The following ACSM5 variants were observed in gnomAD, a reference collection of about 807,000 sequenced individuals.
ACSM5 encodes acyl-coenzyme A synthetase ACSM5, mitochondrial.
A neutral mutation model predicts 71.6 loss-of-function variants in ACSM5; 56 were observed. The observed-to-expected ratio is 0.78, with a 90% CI of 0.63 to 0.98. The LOEUF (loss-of-function observed/expected upper bound fraction) is 0.98. Ranked by LOEUF, ACSM5 falls within the 50% of genes least tolerant of loss-of-function variation. The pLI is 0.00. For synonymous variants in ACSM5, 285 were observed against 281.5 expected, an observed-to-expected ratio of 1.01 and a Z score of -0.12; for missense variants, 723 against 726.0, an observed-to-expected ratio of 1.00 and a Z score of 0.05.
intron 6 of ACSM5, 76 bp from the exon 7 acceptor site, chr16:20,427,712 A>G (rs1967011350): frequency 1.0e-6 from 1 of 968,860 alleles, no homozygotes; most frequent in Admixed American, 1.7e-5. Context: ...GAGACTATAA[A>G]GATGCATTTG....
intron 2 of ACSM5, among the ~76,000 whole-genome samples, chr16:20,416,481 A>G (rs1046344245): frequency 6.6e-6 from 1 of 152,186 alleles, no homozygotes; most frequent in African/African-American, 2.4e-5. Context: ...TGGGTGAAAT[A>G]ATTGTCTTTC....
At chr16:20,415,890 T>G (rs766382357) in intron 2 of ACSM5, among the ~76,000 whole-genome samples, 5 of 152,178 alleles carry the variant, frequency 3.3e-5, no homozygotes, top group African/African-American at 4.8e-5. Flanking sequence ...GTATCCCTAC[T>G]TCATCATTGT....
intron 6 of ACSM5, among the ~76,000 whole-genome samples, chr16:20,427,312 A>G (rs1448226564): frequency 6.6e-6 from 1 of 152,070 alleles, no homozygotes; most frequent in African/African-American, 2.4e-5. Context: ...AAAACCAAAC[A>G]AAAAACAAAA....
At chr16:20,415,546 C>G (rs1306788178) in intron 2 of ACSM5, among the ~76,000 whole-genome samples, 1 of 152,162 alleles carries the variant, frequency 6.6e-6, no homozygotes, top group Non-Finnish European at 1.5e-5. Context: ...TTGTACTGGA[C>G]AGAGAGAGGA....
At chr16:20,415,157 C>T (rs1323860813) in intron 2 of ACSM5, among the ~76,000 whole-genome samples, 1 of 152,098 alleles carries the variant, frequency 6.6e-6, no homozygotes, top group Non-Finnish European at 1.5e-5. Context: ...AAGAAATAGA[C>T]AGAGGAAAGA....
chr16:20,424,185 G>A (rs1966932948), intron 6 of ACSM5, 116 bp downstream of exon 6: 3 of 1,336,026 alleles, frequency 2.2e-6, no homozygotes, highest in East Asian at 2.5e-5. Flanking sequence ...GGCTTCTTTG[G>A]TGTGGCTCCC....
intron 5 of ACSM5, among the ~76,000 whole-genome samples, chr16:20,422,648 A>G (rs906682929): frequency 2.0e-5 from 3 of 152,158 alleles, no homozygotes; most frequent in African/African-American, 4.8e-5. Context: ...ACATAATCTA[A>G]TATGTTTTTT....
intron 1 of ACSM5, 96 bp from the exon 2 acceptor site, chr16:20,411,374 C>T (rs568851603): frequency 3.3e-6 from 3 of 922,168 alleles, no homozygotes; most frequent in Admixed American, 2.1e-5. Context: ...GGATCACAGT[C>T]ACCATCAGCA....
chr16:20,415,776 A>G (rs1966855181), intron 2 of ACSM5, among the ~76,000 whole-genome samples: 1 of 152,194 alleles, frequency 6.6e-6, no homozygotes. Context: ...TTGAAACCTA[A>G]TAGAGTTTTC....
chr16:20,422,684 G>C (rs2141648876), intron 5 of ACSM5, among the ~76,000 whole-genome samples: 1 of 152,304 alleles, frequency 6.6e-6, no homozygotes, highest in South Asian at 2.1e-4. Flanking sequence ...ATGTTGGGTT[G>C]ACAATGTAAC....
intron 6 of ACSM5, among the ~76,000 whole-genome samples, chr16:20,425,401 T>A (rs1966959644): frequency 6.6e-6 from 1 of 152,202 alleles, no homozygotes; most frequent in Non-Finnish European, 1.5e-5. Context: ...ACACTTAGGT[T>A]GCTTCAAAAC....
chr16:20,414,406 G>C (rs1966852819), intron 2 of ACSM5, among the ~76,000 whole-genome samples: 1 of 152,150 alleles, frequency 6.6e-6, no homozygotes, highest in African/African-American at 2.4e-5. Flanking sequence ...GAGTGATGTG[G>C]GGCCACGATC....
In ACSM5 at chr16:20,440,521, A is replaced by G; in HGVS notation, c.*94A>G. The G allele has an allele frequency of 8.6e-7, 1 of 1,168,458 alleles. No homozygotes were observed. Among genetic ancestry groups the G allele is most frequent in the South Asian group, 1.3e-5 (1 of 79,476 alleles). 72.4% of individuals were successfully genotyped at this position (1,168,458 alleles called of 1,614,324 possible). A position where few individuals can be genotyped will look rare whatever the true frequency, so the allele number is the denominator to read the frequency against. On this transcript the variant is annotated 3_prime_UTR_variant, in exon 14 of 14. Coordinates refer to ENST00000331849, the MANE Select transcript of ACSM5 (RefSeq NM_017888.3). The stretch of plus-strand genomic sequence containing the variant: ...CCCCATGGGGAGCATCATCTCTTCG[A>G]CCCTAAAGATGTCAAAGGTGTGCAG...
chr16:20,421,481 G>C, intron 5 of ACSM5, 80 bp downstream of exon 5: 1 of 1,334,116 alleles, frequency 7.5e-7, no homozygotes, highest in Non-Finnish European at 9.8e-7. Context: ...GGGGAAAGGT[G>C]TCAGGAACGG....
At chr16:20,422,736 G>GGCAA (rs779253866) in intron 5 of ACSM5, among the ~76,000 whole-genome samples, 17 of 152,180 alleles carry the variant, frequency 1.1e-4, no homozygotes, top group Non-Finnish European at 2.5e-4. Flanking sequence ...TGCATTAAGA[G>GGCAA]GCAAGCATGG....
intron 8 of ACSM5, 123 bp downstream of exon 8, chr16:20,429,924 C>G (rs1967061913): frequency 6.7e-6 from 8 of 1,201,798 alleles, no homozygotes; most frequent in Non-Finnish European, 9.1e-6. Flanking sequence ...AAGCTGATAA[C>G]AAAATTCCAT....
At chr16:20,439,496 A>G (rs1050967919) in intron 12 of ACSM5, among the ~76,000 whole-genome samples, 2 of 151,808 alleles carry the variant, frequency 1.3e-5, no homozygotes, top group African/African-American at 4.8e-5. Flanking sequence ...TTTCTCCAAA[A>G]TATTTGCTTC....
chr16:20,429,628 G>A, intron 7 of ACSM5, 50 bp from the exon 8 acceptor site: 2 of 1,611,618 alleles, frequency 1.2e-6, no homozygotes, highest in Non-Finnish European at 8.5e-7. Context: ...AGAGGGCGGG[G>A]TGATATGAAG....
In ACSM5 at chr16:20,422,414, C is replaced by G. The variant is rs777051470; in HGVS notation, c.767+1013C>G. Reference sequence around the variant, plus strand: ...CATGAGCCACTGCACCTGGCCTCGACCACATTTTAAATAATCCATTCACCT... The same window carrying G: ...CATGAGCCACTGCACCTGGCCTCGAGCACATTTTAAATAATCCATTCACCT... On this transcript the variant is annotated intron_variant, in intron 5 of 13. Transcript: ENST00000331849. 5.7e-4 allele frequency among the ~76,000 whole-genome samples: 87 copies of G among 152,146 alleles called. 2 individuals are homozygous for G. The highest frequency in any genetic ancestry group is 3.7e-3 in the Admixed American group (57 of 15,270).
Sources: gnomAD v4.1 joint callset for allele counts (sites outside exome capture counted in the v4.1 genomes callset) on GRCh38, gnomAD v4.1.1 for gene constraint, MANE v1.5 for transcripts, NCBI Gene and HGNC (gene_info 2026-07-23, HGNC 2026-07-21) for gene names.